NUBPL: variants seen among roughly 807,000 people sequenced by gnomAD.
NUBPL encodes the protein iron-sulfur cluster transfer protein NUBPL.
In NUBPL, 31 loss-of-function variants were observed where a neutral mutation model predicts 45.7. The ratio of observed to expected loss-of-function variants is 0.68; its 90% confidence interval spans 0.51 to 0.92. NUBPL has a LOEUF of 0.92. Ranked by LOEUF, NUBPL falls within the 40% of genes least tolerant of loss-of-function variation. The pLI is 0.00. For missense variants in NUBPL, 401 were observed against 398.7 expected, an observed-to-expected ratio of 1.01 and a Z score of -0.05; for synonymous variants, 144 against 140.9, an observed-to-expected ratio of 1.02 and a Z score of -0.15.
Position 31,724,802 on chromosome 14 carries a change from T to C in NUBPL, c.513+51228T>C, listed in dbSNP as rs75883491. On this transcript the variant is annotated intron_variant, in intron 6 of 10. Transcript: ENST00000281081. ...AACAAACAGATAAATGAAAACCGTA[T>C]AGTATAACATTGATTAATGATCCAT... Among the ~76,000 whole-genome samples, 1,004 of 152,240 alleles carry C rather than the reference T, an allele frequency of 6.6e-3. 13 individuals are homozygous for C. Among genetic ancestry groups the C allele is most frequent in the African/African-American group, 0.023 (943 of 41,526 alleles).
chr14:31,741,239 G>A (rs1449513922), intron 6 of NUBPL, among the ~76,000 whole-genome samples: 2 of 152,150 alleles, frequency 1.3e-5, no homozygotes, highest in African/African-American at 2.4e-5. Flanking sequence ...TAAGGTATGG[G>A]CAAGTGCAGG....
rs75915629 is a variant in NUBPL, at chr14:31,788,399, C to A, written c.607+526C>A. Among the ~76,000 whole-genome samples, 41 of 152,332 alleles carry A rather than the reference C, an allele frequency of 2.7e-4. 1 individual carries two copies. The East Asian group carries it at 7.1e-3, about 27-fold the overall frequency. Reference sequence around the variant, plus strand: ...GCCTGTCTCAAGTCTCTGCCATTGTCTTTGGCTAGTTTCCCACTTCTGCTT... The same window carrying A: ...GCCTGTCTCAAGTCTCTGCCATTGTATTTGGCTAGTTTCCCACTTCTGCTT... On this transcript the variant is annotated intron_variant, in intron 7 of 10. Transcript: ENST00000281081.
chr14:31,853,599 A>G (rs1482332830), intron 10 of NUBPL, among the ~76,000 whole-genome samples: 1 of 152,196 alleles, frequency 6.6e-6, no homozygotes, highest in East Asian at 1.9e-4. Context: ...GGCAAACACT[A>G]AAAAGGTAGT....
At chr14:31,740,960 C>A (rs1269293176) in intron 6 of NUBPL, among the ~76,000 whole-genome samples, 3 of 152,170 alleles carry the variant, frequency 2.0e-5, no homozygotes, top group Admixed American at 2.0e-4. Context: ...TCCAGCATTT[C>A]TTTTTATTTC....
intron 4 of NUBPL, among the ~76,000 whole-genome samples, chr14:31,672,951 A>G (rs1245569835): frequency 6.6e-6 from 1 of 152,172 alleles, no homozygotes; most frequent in East Asian, 1.9e-4. Flanking sequence ...TTGATCCTGG[A>G]AGGATGGACG....
At chr14:31,657,276 T>C (rs1253526811) in intron 4 of NUBPL, among the ~76,000 whole-genome samples, 4 of 152,218 alleles carry the variant, frequency 2.6e-5, no homozygotes. Flanking sequence ...TATGATTTCT[T>C]ATCTATATAC....
intron 6 of NUBPL, among the ~76,000 whole-genome samples, chr14:31,770,574 A>C (rs1197825989): frequency 6.6e-6 from 1 of 152,228 alleles, no homozygotes; most frequent in African/African-American, 2.4e-5. Flanking sequence ...TGACTTCTAG[A>C]ATGATGACTG....
intron 7 of NUBPL, among the ~76,000 whole-genome samples, chr14:31,808,025 T>G (rs527675361): frequency 5.9e-5 from 9 of 152,162 alleles, no homozygotes; most frequent in Non-Finnish European, 1.3e-4. Flanking sequence ...GGTTACTGTA[T>G]CCTTGTACTA....
chr14:31,727,279 T>G (rs1382255146), intron 6 of NUBPL, among the ~76,000 whole-genome samples: 1 of 152,238 alleles, frequency 6.6e-6, no homozygotes, highest in Non-Finnish European at 1.5e-5. Flanking sequence ...TATGATGAAT[T>G]CAAGTTGATT....
At chr14:31,647,746 G>T (rs1240517842) in intron 4 of NUBPL, among the ~76,000 whole-genome samples, 2 of 152,184 alleles carry the variant, frequency 1.3e-5, no homozygotes, top group African/African-American at 4.8e-5. Flanking sequence ...TGTGGGTTGA[G>T]GCTGGGACAG....
intron 6 of NUBPL, among the ~76,000 whole-genome samples, chr14:31,712,917 G>A (rs1396164225): frequency 3.3e-5 from 5 of 152,152 alleles, no homozygotes; most frequent in Non-Finnish European, 7.4e-5. Flanking sequence ...GAACTAGGGA[G>A]GGGTAAGGAA....
chr14:31,688,698 T>G (rs1473217939), intron 6 of NUBPL, among the ~76,000 whole-genome samples: 1 of 144,052 alleles, frequency 6.9e-6, no homozygotes, highest in Non-Finnish European at 1.5e-5. Context: ...GGGGTTCAGA[T>G]AAGGGTTTGT....
At chr14:31,707,859 G>A (rs111230307) in intron 6 of NUBPL, among the ~76,000 whole-genome samples, 9,965 of 152,260 alleles carry the variant, frequency 0.065, 419 homozygotes, top group Non-Finnish European at 0.091. Flanking sequence ...CAGAGTGCCT[G>A]GACTTGAGAA....
intron 6 of NUBPL, among the ~76,000 whole-genome samples, chr14:31,708,319 T>TG (rs1275360225): frequency 1.3e-5 from 2 of 152,176 alleles, no homozygotes; most frequent in East Asian, 3.9e-4. Flanking sequence ...GGAAAAGTGG[T>TG]GGGGTCTTTT....
intron 8 of NUBPL, chr14:31,844,807 T>C (rs2040427814): frequency 1.3e-5 from 2 of 152,236 alleles, no homozygotes; most frequent in African/African-American, 2.4e-5. Flanking sequence ...TGCATTTTTA[T>C]TGTAATCTCT....
chr14:31,803,622 G>A (rs79093432), intron 7 of NUBPL, among the ~76,000 whole-genome samples: 5,717 of 152,136 alleles, frequency 0.038, 355 homozygotes, highest in African/African-American at 0.13. Context: ...CAAGCACACC[G>A]TCTTTCCATG....
intron 7 of NUBPL, among the ~76,000 whole-genome samples, chr14:31,809,012 G>C (rs987022453): frequency 1.3e-5 from 2 of 152,074 alleles, no homozygotes; most frequent in East Asian, 3.8e-4. Flanking sequence ...TGCTGGATTC[G>C]GTTTGCCAGT....
At chr14:31,660,194 G>C (rs926879466) in intron 4 of NUBPL, among the ~76,000 whole-genome samples, 8 of 152,078 alleles carry the variant, frequency 5.3e-5, no homozygotes. Context: ...CAAGTTTTGA[G>C]TTTTGACCCA....
chr14:31,787,594 T>TC (rs1415084394), intron 6 of NUBPL, among the ~76,000 whole-genome samples, 186 bp from the exon 7 acceptor site: 1 of 152,202 alleles, frequency 6.6e-6, no homozygotes, highest in Non-Finnish European at 1.5e-5. Context: ...AAAGAAGGCC[T>TC]CCTAGTGGAA....
Sources: gnomAD v4.1 joint callset for allele counts (sites outside exome capture counted in the v4.1 genomes callset) on GRCh38, gnomAD v4.1.1 for gene constraint, MANE v1.5 for transcripts, NCBI Gene and HGNC (gene_info 2026-07-23, HGNC 2026-07-21) for gene names.